EXD2: variants seen among roughly 807,000 people sequenced by gnomAD.
The protein encoded by EXD2 is exonuclease 3'-5' domain containing 2, also known as exonuclease 3'-5' domain-containing protein 2.
Under a neutral mutation model 62.5 loss-of-function variants are expected in EXD2, and 40 were observed. The observed-to-expected ratio is 0.64, with a 90% CI of 0.50 to 0.83. The LOEUF (loss-of-function observed/expected upper bound fraction) is 0.83. Ranked by LOEUF, EXD2 falls within the 40% of genes least tolerant of loss-of-function variation. The pLI is 0.00. For missense variants in EXD2, 671 were observed against 761.8 expected (o/e 0.88, Z 1.40); for synonymous variants, 239 against 291.9 (o/e 0.82, Z 1.85).
Position 69,225,363 on chromosome 14 carries a change from G to A in EXD2, c.334-3453G>A, listed in dbSNP as rs191980437. On this transcript the variant is annotated intron_variant, in intron 3 of 9. Coordinates refer to ENST00000685843, the MANE Select transcript of EXD2 (RefSeq NM_001193360.2). ...TTGGTTTTTTTCTTTTAAGAATACT[G>A]AAGCCAAAATGGATTATCCCCTGGC... Among the ~76,000 whole-genome samples, 318 of 152,128 alleles carry A rather than the reference G, an allele frequency of 2.1e-3. 1 individual carries two copies. Among genetic ancestry groups the A allele is most frequent in the African/African-American group, 7.2e-3 (297 of 41,498 alleles).
intron 6 of EXD2, among the ~76,000 whole-genome samples, chr14:69,235,240 T>C (rs1399175154): frequency 6.6e-6 from 1 of 152,224 alleles, no homozygotes; most frequent in Non-Finnish European, 1.5e-5. Flanking sequence ...TTTTACCTTT[T>C]TATTTATTGA....
At chr14:69,220,211 A>G (rs1277541846) in intron 3 of EXD2, among the ~76,000 whole-genome samples, 2 of 140,168 alleles carry the variant, frequency 1.4e-5, no homozygotes, top group South Asian at 2.3e-4. Flanking sequence ...TTTGAATGCC[A>G]GTCTCAGACA....
At chr14:69,227,847 A>C (rs184328470) in intron 3 of EXD2, 19 of 152,326 alleles carry the variant, frequency 1.2e-4, no homozygotes, top group Admixed American at 4.6e-4. Flanking sequence ...AAAAGAAAAA[A>C]GATTAAACCT....
chr14:69,222,206 TTC>T (rs2043210018), intron 3 of EXD2, among the ~76,000 whole-genome samples: 1 of 152,170 alleles, frequency 6.6e-6, no homozygotes, highest in Non-Finnish European at 1.5e-5. Context: ...TTACTTGTGC[TTC>T]TTTTTTCTTC....
Position 69,241,463 on chromosome 14 carries a change from C to A in EXD2, c.*363C>A, listed in dbSNP as rs896569147. ...TGTTTTTAATGCATTTCTTCCTTGTCTAGTGCCTCGGTTTATCTCTAACAG... is the reference window on the plus strand; with the variant it reads ...TGTTTTTAATGCATTTCTTCCTTGTATAGTGCCTCGGTTTATCTCTAACAG... On this transcript the variant is annotated 3_prime_UTR_variant, in exon 10 of 10. Coordinates refer to ENST00000685843, the MANE Select transcript of EXD2 (RefSeq NM_001193360.2). 7.6e-6 allele frequency: 2 copies of A among 261,818 alleles called. No homozygotes were observed. The highest frequency in any genetic ancestry group is 1.4e-5 in the Non-Finnish European group (2 of 138,250). 16.2% of individuals were successfully genotyped at this position (261,818 alleles called of 1,614,324 possible). A position where few individuals can be genotyped will look rare whatever the true frequency, so the allele number is the denominator to read the frequency against.
At chr14:69,216,073 C>T (rs116313119) in intron 3 of EXD2, among the ~76,000 whole-genome samples, 221 of 152,184 alleles carry the variant, frequency 1.5e-3, no homozygotes, top group African/African-American at 4.6e-3. Flanking sequence ...ATGGTTTTAA[C>T]CTTGGCGATT....
At chr14:69,197,163 G>A (rs990704703) in intron 1 of EXD2, among the ~76,000 whole-genome samples, 5 of 152,140 alleles carry the variant, frequency 3.3e-5, no homozygotes, top group South Asian at 4.1e-4. Flanking sequence ...TGAGGCTGTC[G>A]TGAGCTGTGA....
At chr14:69,235,565 G>T in intron 6 of EXD2, 1 of 227,680 alleles carries the variant, frequency 4.4e-6, no homozygotes, top group Non-Finnish European at 8.7e-6. Context: ...TAAGTACTTT[G>T]GAGCATAAAT....
chr14:69,209,706 T>C lies in EXD2; in HGVS notation c.236T>C (p.Val79Ala), dbSNP rs1186557672. 6.5e-7 allele frequency: 1 copy of C among 1,550,082 alleles called. No homozygotes were observed. The highest frequency in any genetic ancestry group is 8.7e-7 in the Non-Finnish European group (1 of 1,146,932). ...AAGGAACGGATCCTTAAAGCAAAGG[T>C]GGTGACGGTGTCTCAGGAGGCAGAG... ...SWKERILKAK[V>A]VTVSQEAEWD... Residue 79 changes from valine (V) to alanine (A), a missense_variant, in exon 3 of 10, where the codon GTG becomes GCG. Val to Ala is a moderately conservative substitution (Grantham distance 64). Transcript: ENST00000685843.
intron 7 of EXD2, 121 bp from the exon 8 acceptor site, chr14:69,236,286 A>G (rs1294639939): frequency 6.4e-7 from 1 of 1,553,736 alleles, no homozygotes; most frequent in African/African-American, 1.4e-5. Flanking sequence ...CTGGGTAGGC[A>G]CAACCCAGAA....
intron 5 of EXD2, among the ~76,000 whole-genome samples, chr14:69,230,848 TC>T (rs1324774255): frequency 6.6e-6 from 1 of 152,206 alleles, no homozygotes; most frequent in Non-Finnish European, 1.5e-5. Context: ...AGTGGTACGG[TC>T]TTGGCTCACT....
intron 3 of EXD2, among the ~76,000 whole-genome samples, chr14:69,224,996 A>T (rs1226179010): frequency 6.6e-6 from 1 of 152,164 alleles, no homozygotes; most frequent in Non-Finnish European, 1.5e-5. Context: ...TAAAACGCAG[A>T]TGTCTCAATT....
chr14:69,203,113 C>T (rs1471044860), intron 1 of EXD2, among the ~76,000 whole-genome samples: 1 of 152,182 alleles, frequency 6.6e-6, no homozygotes, highest in Admixed American at 6.6e-5. Flanking sequence ...GGCTGGACAG[C>T]AGTGGTGTGA....
intron 5 of EXD2, among the ~76,000 whole-genome samples, chr14:69,231,281 C>T (rs1268881562): frequency 2.6e-5 from 4 of 152,084 alleles, no homozygotes; most frequent in Non-Finnish European, 5.9e-5. Context: ...CAACCACTTT[C>T]ATTTCTTTCT....
intron 1 of EXD2, among the ~76,000 whole-genome samples, chr14:69,196,418 A>C (rs1330244584): frequency 6.6e-6 from 1 of 152,196 alleles, no homozygotes; most frequent in Non-Finnish European, 1.5e-5. Flanking sequence ...ACTAATTGAC[A>C]TTTGAGTTGT....
chr14:69,196,023 C>G (rs550835788), intron 1 of EXD2: 4 of 152,314 alleles, frequency 2.6e-5, no homozygotes, highest in African/African-American at 9.6e-5. Flanking sequence ...CCTGAAGGCT[C>G]TAGGGGAGAA....
chr14:69,220,431 C>T (rs531507417), intron 3 of EXD2, among the ~76,000 whole-genome samples: 15 of 149,168 alleles, frequency 1.0e-4, no homozygotes, highest in East Asian at 2.0e-4. Context: ...CCACCATGCC[C>T]GGCTAATTTT....
At chr14:69,201,656 A>G (rs887062011) in intron 1 of EXD2, among the ~76,000 whole-genome samples, 2 of 142,750 alleles carry the variant, frequency 1.4e-5, no homozygotes, top group African/African-American at 2.6e-5. Context: ...CGTCTCTCTC[A>G]GCAAGTGTTT....
Position 69,234,759 on chromosome 14 carries a change from A to T in EXD2, c.777A>T (p.Gly259=). The T allele has an allele frequency of 6.2e-7, 1 of 1,614,094 alleles. No individual in the cohort carries two copies. The highest frequency in any genetic ancestry group is 2.2e-5 in the East Asian group (1 of 44,886). The part of the protein sequence containing the change: ...ISVALFLHLL[G]YPFSRNSPGE... ...TGGCTCTCTTTCTTCATCTTCTTGGATACCCTTTCTCTAGGAATTCACCTG... is the reference window on the plus strand; with the variant it reads ...TGGCTCTCTTTCTTCATCTTCTTGGTTACCCTTTCTCTAGGAATTCACCTG... Residue 259 remains glycine (G), a synonymous_variant, in exon 6 of 10, where the codon GGA becomes GGT. Coordinates refer to ENST00000685843, the MANE Select transcript of EXD2 (RefSeq NM_001193360.2).
Sources: gnomAD v4.1 joint callset for allele counts (sites outside exome capture counted in the v4.1 genomes callset) on GRCh38, gnomAD v4.1.1 for gene constraint, MANE v1.5 for transcripts, NCBI Gene and HGNC (gene_info 2026-07-23, HGNC 2026-07-21) for gene names.